GLCCI1: variants seen among roughly 807,000 people sequenced by gnomAD.
GLCCI1 encodes the protein glucocorticoid-induced transcript 1 protein.
Under a neutral mutation model 52.2 loss-of-function variants are expected in GLCCI1, and 24 were observed. That is an observed-to-expected ratio of 0.46 (90% CI 0.33 to 0.65). The LOEUF (loss-of-function observed/expected upper bound fraction) is 0.65. GLCCI1 is among the 30% of genes least tolerant of loss of function. GLCCI1 has a pLI of 0.02. For synonymous variants in GLCCI1, 310 were observed against 276.5 expected (o/e 1.12, Z -1.20); for missense variants, 704 against 701.5 (o/e 1.00, Z -0.04).
intron 1 of GLCCI1, among the ~76,000 whole-genome samples, chr7:7,986,447 C>G (rs891384690): frequency 2.0e-5 from 3 of 152,124 alleles, no homozygotes; most frequent in African/African-American, 7.2e-5. Flanking sequence ...ATGGCATGAA[C>G]CTGCTAGGCG....
chr7:7,992,328 C>T (rs1780858651), intron 1 of GLCCI1, among the ~76,000 whole-genome samples: 1 of 151,950 alleles, frequency 6.6e-6, no homozygotes, highest in African/African-American at 2.4e-5. Context: ...GCTCTCTTCT[C>T]CTTCAAAGGT....
At chr7:7,971,895 A>G (rs1038009096) in intron 1 of GLCCI1, among the ~76,000 whole-genome samples, 3 of 152,114 alleles carry the variant, frequency 2.0e-5, no homozygotes, top group Non-Finnish European at 2.9e-5. Context: ...TTTGCTAAAG[A>G]TGTTTTTCTG....
Position 8,060,239 on chromosome 7 carries a change from A to G in GLCCI1, c.957A>G (p.Glu319=), listed in dbSNP as rs745541379. The change falls in exon 5 of 8, where the codon GAA becomes GAG. Residue 319 remains glutamate, a synonymous_variant. Coordinates refer to ENST00000223145, the MANE Select transcript of GLCCI1 (RefSeq NM_138426.4). ...VFIKENNGKE[E]VSKPLDIPDG... Reference sequence around the variant, plus strand: ...TTAAAGAAAATAATGGGAAGGAAGAAGTATCCAAGGTAAGGTTACATGGGA... The same window carrying G: ...TTAAAGAAAATAATGGGAAGGAAGAGGTATCCAAGGTAAGGTTACATGGGA... The G allele has an allele frequency of 6.2e-7, 1 of 1,610,566 alleles. No individual in the cohort carries two copies. Among genetic ancestry groups the G allele is most frequent in the Non-Finnish European group, 8.5e-7 (1 of 1,177,084 alleles).
chr7:7,985,175 T>A (rs1032644456), intron 1 of GLCCI1, among the ~76,000 whole-genome samples: 4 of 151,682 alleles, frequency 2.6e-5, no homozygotes, highest in African/African-American at 9.7e-5. Flanking sequence ...ACAGGCTGAT[T>A]TTAATTTGTT....
At chr7:8,041,257 A>C (rs934892477) in intron 3 of GLCCI1, among the ~76,000 whole-genome samples, 2 of 152,204 alleles carry the variant, frequency 1.3e-5, no homozygotes, top group Non-Finnish European at 2.9e-5. Flanking sequence ...AAGGGCCCTA[A>C]TTCTCTTCAA....
At chr7:8,019,258 C>G (rs1562430313) in intron 2 of GLCCI1, among the ~76,000 whole-genome samples, 1 of 152,104 alleles carries the variant, frequency 6.6e-6, no homozygotes. Context: ...GGTTATTGAG[C>G]TTTTAAAATG....
chr7:8,006,423 A>G (rs900521499), intron 2 of GLCCI1, among the ~76,000 whole-genome samples: 1 of 152,166 alleles, frequency 6.6e-6, no homozygotes, highest in East Asian at 1.9e-4. Context: ...TTTCTTACAC[A>G]TGTCTGATTT....
At position 8,088,855 on chromosome 7, in the gene GLCCI1, A is replaced by T. The variant is rs1235413885; in HGVS notation, c.*2317A>T. On this transcript the variant is annotated 3_prime_UTR_variant, in exon 8 of 8. Transcript: ENST00000223145. Reference sequence around the variant, plus strand: ...CGCTTTGCCATGTAAATTTCCCAGAAGTTGTTGAGCTCAAATGTATCCTAC... The same window carrying T: ...CGCTTTGCCATGTAAATTTCCCAGATGTTGTTGAGCTCAAATGTATCCTAC... 6.6e-6 allele frequency: 1 copy of T among 152,654 alleles called. No homozygotes were observed. The highest frequency in any genetic ancestry group is 6.5e-5 in the Admixed American group (1 of 15,280). The allele number at this position is 152,654 out of a possible 1,614,324, so 9.5% of individuals were successfully genotyped here.
chr7:8,012,513 C>A (rs534905611), intron 2 of GLCCI1, among the ~76,000 whole-genome samples: 2 of 128,794 alleles, frequency 1.6e-5, no homozygotes, highest in Non-Finnish European at 3.2e-5. Context: ...GGTGTGATCT[C>A]GGCTCACTGC....
chr7:8,061,101 C>CTTTTTT (rs1183119492), intron 5 of GLCCI1, among the ~76,000 whole-genome samples: 1 of 138,910 alleles, frequency 7.2e-6, no homozygotes, highest in Non-Finnish European at 1.6e-5. Flanking sequence ...TGCTAGTGAT[C>CTTTTTT]TTTTTTTTTT....
intron 6 of GLCCI1, among the ~76,000 whole-genome samples, chr7:8,082,384 A>T (rs1783014529): frequency 6.6e-6 from 1 of 152,184 alleles, no homozygotes; most frequent in Non-Finnish European, 1.5e-5. Context: ...AAATCCAGAG[A>T]GATGATTGTA....
intron 3 of GLCCI1, among the ~76,000 whole-genome samples, chr7:8,054,308 G>A (rs963439589): frequency 6.6e-6 from 1 of 152,026 alleles, no homozygotes; most frequent in Non-Finnish European, 1.5e-5. Context: ...AGAGAGGAAG[G>A]CACACAAATA....
intron 2 of GLCCI1, among the ~76,000 whole-genome samples, chr7:8,004,940 C>T (rs1246303871): frequency 6.6e-6 from 1 of 152,162 alleles, no homozygotes; most frequent in Non-Finnish European, 1.5e-5. Context: ...AACTCTGCTT[C>T]TCAGGTTTTG....
Position 8,012,032 on chromosome 7 carries a change from G to T in GLCCI1, c.609+7973G>T, listed in dbSNP as rs538940463. Among the ~76,000 whole-genome samples the T allele has an allele frequency of 3.9e-4, 60 of 152,030 alleles. 1 individual carries two copies. Among genetic ancestry groups the T allele is most frequent in the Middle Eastern group, 6.8e-3 (2 of 294 alleles). On this transcript the variant is annotated intron_variant, in intron 2 of 7. Coordinates refer to ENST00000223145, the MANE Select transcript of GLCCI1 (RefSeq NM_138426.4). ...GGGTTTCACTGTGTTAGCCAGGATG[G>T]TCTCAATCTCTCGACCTTGTGATCC...
chr7:8,015,422 G>A (rs886211730), intron 2 of GLCCI1, among the ~76,000 whole-genome samples: 2 of 152,210 alleles, frequency 1.3e-5, no homozygotes, highest in African/African-American at 4.8e-5. Context: ...CATTTTAGGG[G>A]CTGGGGGACT....
chr7:8,044,679 C>T (rs556193583), intron 3 of GLCCI1, among the ~76,000 whole-genome samples: 1 of 152,294 alleles, frequency 6.6e-6, no homozygotes, highest in Admixed American at 6.5e-5. Flanking sequence ...CACATCTGTT[C>T]TTCATAATTC....
intron 4 of GLCCI1, 86 bp downstream of exon 4, chr7:8,055,635 CATAA>C (rs1174006739): frequency 1.2e-6 from 1 of 826,982 alleles, no homozygotes; most frequent in Non-Finnish European, 2.0e-6. Flanking sequence ...TAAAAAAACC[CATAA>C]ATATTTAGCT....
chr7:8,058,532 G>A (rs1412728803), intron 4 of GLCCI1, among the ~76,000 whole-genome samples: 1 of 152,192 alleles, frequency 6.6e-6, no homozygotes, highest in African/African-American at 2.4e-5. Flanking sequence ...GGGATTATCA[G>A]ATAGTAGCTC....
intron 5 of GLCCI1, among the ~76,000 whole-genome samples, chr7:8,062,145 A>AATAAGCC (rs1243653468): frequency 1.3e-5 from 2 of 152,236 alleles, no homozygotes; most frequent in Admixed American, 1.3e-4. Flanking sequence ...CTCTGCTTTT[A>AATAAGCC]ATAAGCCATA....
Sources: allele counts gnomAD v4.1 joint callset (sites outside exome capture counted in the v4.1 genomes callset), GRCh38; gene constraint gnomAD v4.1.1; transcripts MANE v1.5; gene names NCBI Gene and HGNC (gene_info 2026-07-23, HGNC 2026-07-21).